Variants in PPP2R3B observed in about 807,000 individuals in gnomAD.
The protein encoded by PPP2R3B is protein phosphatase 2 regulatory subunit B''beta.
Under a neutral mutation model 72.9 loss-of-function variants are expected in PPP2R3B, and 68 were observed. The observed-to-expected ratio is 0.93, with a 90% confidence interval of 0.77 to 1.14. The LOEUF is 1.14. Ranked by LOEUF, PPP2R3B falls within the 50% of genes most tolerant of loss-of-function variation. PPP2R3B has a pLI of 0.00. For synonymous variants in PPP2R3B, 466 were observed against 375.8 expected (o/e 1.24, Z -2.78); for missense variants, 1,018 against 842.0 (o/e 1.21, Z -2.59).
At chrX:346,642 C>CT (rs1569386996) in intron 5 of PPP2R3B, 59 bp downstream of exon 5, 40 of 1,507,936 alleles carry the variant, frequency 2.7e-5, no homozygotes, top group Non-Finnish European at 3.6e-5. Context: ...CCGCGGCGGC[C>CT]GCTGCAGAAA....
At chrX:334,893 A>C (rs1471075488) in intron 12 of PPP2R3B, 1 of 209,646 alleles carries the variant, frequency 4.8e-6, no homozygotes, top group African/African-American at 2.3e-5. Flanking sequence ...GTTTAGACAC[A>C]TTCTCCCAAA....
intron 5 of PPP2R3B, 118 bp downstream of exon 5, chrX:346,583 T>TCC: frequency 1.0e-6 from 1 of 997,562 alleles, no homozygotes; most frequent in Non-Finnish European, 1.5e-6. Flanking sequence ...GGCCGCCTCC[T>TCC]CCGGAAGCTC....
chrX:379,526 C>T (rs1390390776), intron 1 of PPP2R3B, among the ~76,000 whole-genome samples: 1 of 152,174 alleles, frequency 6.6e-6, no homozygotes, highest in South Asian at 2.1e-4. Context: ...TCTCCAAATA[C>T]CCTGTTCTAA....
chrX:346,155 A>T lies in PPP2R3B; in HGVS notation c.879+19T>A, dbSNP rs766849694. On this transcript the variant is annotated intron_variant, in intron 6 of 12. Transcript: ENST00000390665. ...GTAGGGACAAGGCAGGGGGCAGGGG[A>T]CAGGGGGCCGCTCCGCACCTGCAGG... The T allele has an allele frequency of 2.1e-6, 3 of 1,420,294 alleles. No individual in the cohort carries two copies. Among genetic ancestry groups the T allele is most frequent in the South Asian group, 2.5e-5 (2 of 80,944 alleles). 88.0% of individuals were successfully genotyped at this position (1,420,294 alleles called of 1,614,324 possible).
At position 386,850 on chromosome X, in the gene PPP2R3B, CGGGGCGCGGGGACCGAGGAG is replaced by C. The variant is rs942647991; in HGVS notation, c.-179_-160del. On this transcript the variant is annotated 5_prime_UTR_variant, in exon 1 of 13. Transcript: ENST00000390665. ...GCGCCTCGGGAACTGCGCGGACTCGCGGGGCGCGGGGACCGAGGAGGGGGCGCGGTCCGGCCCGCGCTGCT... is the reference window on the plus strand; with the variant it reads ...GCGCCTCGGGAACTGCGCGGACTCGCGGGGCGCGGTCCGGCCCGCGCTGCT... 1.1e-5 allele frequency: 3 copies of C among 267,654 alleles called. No homozygotes were observed. The highest frequency in any genetic ancestry group is 1.9e-5 in the Non-Finnish European group (3 of 157,012). The allele number at this position is 267,654 out of a possible 1,614,324, so 16.6% of individuals were successfully genotyped here.
chrX:382,112 G>A (rs1217294490), intron 1 of PPP2R3B, among the ~76,000 whole-genome samples: 14 of 151,864 alleles, frequency 9.2e-5, no homozygotes, highest in Non-Finnish European at 1.6e-4. Flanking sequence ...CCATGCCCAC[G>A]GTCCACACGC....
chrX:351,119 G>A (rs1262531787), intron 2 of PPP2R3B, among the ~76,000 whole-genome samples: 4 of 152,136 alleles, frequency 2.6e-5, no homozygotes, highest in African/African-American at 7.2e-5. Flanking sequence ...TGACTTGAAG[G>A]CAGCCGTGTG....
At chrX:375,084 T>A (rs779152810) in intron 1 of PPP2R3B, among the ~76,000 whole-genome samples, 1 of 151,106 alleles carries the variant, frequency 6.6e-6, no homozygotes, top group African/African-American at 2.4e-5. Flanking sequence ...CCCTTCCAAC[T>A]CTTCTTAGGG....
intron 1 of PPP2R3B, among the ~76,000 whole-genome samples, chrX:370,331 G>A (rs1220122456): frequency 3.9e-5 from 6 of 152,152 alleles, no homozygotes; most frequent in East Asian, 1.9e-4. Context: ...CCGAGCAACC[G>A]GGCCTCAACG....
chrX:347,561 C>A lies in PPP2R3B; in HGVS notation c.614+29G>T, dbSNP rs779144421. The A allele has an allele frequency of 2.6e-6, 4 of 1,555,712 alleles. No homozygotes were observed. The South Asian group carries it at 4.7e-5, about 18-fold the overall frequency. ...CCCGGGGACGCCTCCGCCCTCCCGA[C>A]ACAGCCCCCTGCCCAGCCCAGGACT... On this transcript the variant is annotated intron_variant, in intron 3 of 12. Transcript: ENST00000390665.
chrX:347,219 G>A lies in PPP2R3B; in HGVS notation c.717+15C>T. On this transcript the variant is annotated intron_variant, in intron 4 of 12. Transcript: ENST00000390665. ...CGTGAAGGATAAGGCCTGTGGTGTA[G>A]ACGCAGGCTCTCACCTGCAAGAAGG... 6.2e-7 allele frequency: 1 copy of A among 1,605,662 alleles called. No homozygotes were observed. Among genetic ancestry groups the A allele is most frequent in the Non-Finnish European group, 8.5e-7 (1 of 1,173,004 alleles).
intron 9 of PPP2R3B, 87 bp downstream of exon 9, chrX:341,220 G>A (rs905606265): frequency 2.8e-5 from 41 of 1,465,336 alleles, no homozygotes; most frequent in South Asian, 4.6e-5. Context: ...CCCACCAGGC[G>A]TGCAGGCATC....
chrX:347,788 C>G, intron 2 of PPP2R3B, 95 bp from the exon 3 acceptor site: 1 of 898,924 alleles, frequency 1.1e-6, no homozygotes, highest in Non-Finnish European at 1.6e-6. Flanking sequence ...GCCCAGAGAC[C>G]CTCTGCTGCA....
intron 12 of PPP2R3B, 106 bp from the exon 13 acceptor site, chrX:334,623 G>C: frequency 7.8e-7 from 1 of 1,283,216 alleles, no homozygotes; most frequent in Non-Finnish European, 1.0e-6. Context: ...GCACGAGACA[G>C]TCCCCTGAGC....
At chrX:361,836 G>A (rs769669669) in intron 1 of PPP2R3B, among the ~76,000 whole-genome samples, 2 of 152,250 alleles carry the variant, frequency 1.3e-5, no homozygotes, top group East Asian at 3.9e-4. Flanking sequence ...GCGCCACTGA[G>A]CCCCCATCAC....
chrX:356,570 G>C (rs999597835), intron 2 of PPP2R3B, among the ~76,000 whole-genome samples: 5 of 152,146 alleles, frequency 3.3e-5, no homozygotes, highest in African/African-American at 1.2e-4. Context: ...CACCAGATGA[G>C]GCAGAGCTCA....
At chrX:374,908 C>T (rs1231953685) in intron 1 of PPP2R3B, among the ~76,000 whole-genome samples, 2 of 152,090 alleles carry the variant, frequency 1.3e-5, no homozygotes, top group South Asian at 2.1e-4. Flanking sequence ...ACTGACGCAC[C>T]CAACCCCCGC....
chrX:352,853 C>T (rs1168722549), intron 2 of PPP2R3B, among the ~76,000 whole-genome samples: 1 of 150,840 alleles, frequency 6.6e-6, no homozygotes, highest in Non-Finnish European at 1.5e-5. Context: ...GATGTGAAAA[C>T]GCTGCCAAGC....
chrX:377,901 C>T (rs1275066613), intron 1 of PPP2R3B, among the ~76,000 whole-genome samples: 1 of 116,562 alleles, frequency 8.6e-6, no homozygotes, highest in African/African-American at 3.9e-5. Flanking sequence ...TGTACAGGGA[C>T]GGGCCATCCA....
Sources: allele counts gnomAD v4.1 joint callset (sites outside exome capture counted in the v4.1 genomes callset), GRCh38; gene constraint gnomAD v4.1.1; transcripts MANE v1.5; gene names NCBI Gene and HGNC (gene_info 2026-07-23, HGNC 2026-07-21).